The following ADGRL3 variants were observed in gnomAD, a reference collection of about 807,000 sequenced individuals.
ADGRL3 encodes the protein adhesion G protein-coupled receptor L3.
Under a neutral mutation model 153.5 loss-of-function variants are expected in ADGRL3, and 62 were observed. The observed-to-expected ratio is 0.40, with a 90% CI of 0.33 to 0.50. The LOEUF is 0.50. Ranked by LOEUF, ADGRL3 falls within the 20% of genes least tolerant of loss-of-function variation. ADGRL3 has a pLI of 0.47. For synonymous variants in ADGRL3, 710 were observed against 672.5 expected (o/e 1.06, Z -0.86); for missense variants, 1,641 against 1,859.4 (o/e 0.88, Z 2.16).
intron 9 of ADGRL3, among the ~76,000 whole-genome samples, chr4:61,876,040 G>GA (rs1398137083): frequency 6.6e-6 from 1 of 150,994 alleles, no homozygotes; most frequent in Non-Finnish European, 1.5e-5. Context: ...AAATAGAAAA[G>GA]AAAAAAAGAG....
At chr4:61,505,025 C>A (rs546093442) in intron 3 of ADGRL3, among the ~76,000 whole-genome samples, 4 of 152,004 alleles carry the variant, frequency 2.6e-5, no homozygotes, top group Non-Finnish European at 5.9e-5. Flanking sequence ...TTTTGAGGGA[C>A]CTTCATGCTG....
chr4:61,609,203 G>A (rs1199176018), intron 5 of ADGRL3, among the ~76,000 whole-genome samples: 1 of 152,012 alleles, frequency 6.6e-6, no homozygotes, highest in African/African-American at 2.4e-5. Flanking sequence ...AGATATCTGA[G>A]TTCCAAATTG....
At chr4:61,901,437 C>G (rs1050417724) in intron 11 of ADGRL3, among the ~76,000 whole-genome samples, 3 of 152,104 alleles carry the variant, frequency 2.0e-5, no homozygotes, top group Non-Finnish European at 4.4e-5. Context: ...TCTTAAATTC[C>G]CCATTTTATC....
chr4:62,027,988 G>A (rs958909311), intron 21 of ADGRL3, among the ~76,000 whole-genome samples: 2 of 151,718 alleles, frequency 1.3e-5, no homozygotes, highest in East Asian at 1.9e-4. Context: ...TTCATCAGTG[G>A]TTCTCTTTAT....
At chr4:61,307,913 ATGT>A (rs1262058149) in intron 1 of ADGRL3, among the ~76,000 whole-genome samples, 2 of 152,166 alleles carry the variant, frequency 1.3e-5, no homozygotes, top group Non-Finnish European at 2.9e-5. Flanking sequence ...AATTAAGATC[ATGT>A]TGTCATTTTT....
chr4:61,802,959 CTA>C (rs2097516583), intron 8 of ADGRL3, among the ~76,000 whole-genome samples: 1 of 152,012 alleles, frequency 6.6e-6, no homozygotes, highest in Non-Finnish European at 1.5e-5. Flanking sequence ...GCTAATATAT[CTA>C]TCAGATACTG....
intron 1 of ADGRL3, among the ~76,000 whole-genome samples, chr4:61,364,545 C>T (rs1457507118): frequency 6.6e-6 from 1 of 151,798 alleles, no homozygotes; most frequent in Non-Finnish European, 1.5e-5. Context: ...ATTTATACAA[C>T]TTTCTTCCAC....
At chr4:61,416,839 A>G (rs2097149575) in intron 2 of ADGRL3, among the ~76,000 whole-genome samples, 1 of 152,112 alleles carries the variant, frequency 6.6e-6, no homozygotes, top group Admixed American at 6.5e-5. Context: ...TATTTCTGTT[A>G]TTATTACATT....
intron 1 of ADGRL3, among the ~76,000 whole-genome samples, chr4:61,204,596 G>A (rs2148730703): frequency 1.3e-5 from 2 of 152,306 alleles, no homozygotes; most frequent in African/African-American, 4.8e-5. Flanking sequence ...GAAGGTGAAT[G>A]TGTCAGAGTA....
chr4:61,548,828 A>C (rs370047166), intron 4 of ADGRL3, among the ~76,000 whole-genome samples: 8 of 151,906 alleles, frequency 5.3e-5, no homozygotes, highest in South Asian at 4.2e-4. Flanking sequence ...TTCCATGTGA[A>C]TTTTCAGAAC....
chr4:61,691,569 G>C (rs2095540140), intron 6 of ADGRL3, among the ~76,000 whole-genome samples: 1 of 152,050 alleles, frequency 6.6e-6, no homozygotes, highest in Non-Finnish European at 1.5e-5. Flanking sequence ...TTGACTATTT[G>C]AATAAGTAAT....
chr4:61,910,355 A>G (rs2098716598), intron 12 of ADGRL3, among the ~76,000 whole-genome samples: 1 of 152,046 alleles, frequency 6.6e-6, no homozygotes, highest in East Asian at 1.9e-4. Flanking sequence ...ATATTCCAGC[A>G]AATTTGAATT....
At chr4:61,315,115 A>C (rs1174554098) in intron 1 of ADGRL3, among the ~76,000 whole-genome samples, 1 of 152,272 alleles carries the variant, frequency 6.6e-6, no homozygotes, top group South Asian at 2.1e-4. Context: ...GAGATAGTGA[A>C]ATTTGTAATC....
At chr4:61,788,923 C>T (rs1038228065) in intron 8 of ADGRL3, among the ~76,000 whole-genome samples, 1 of 151,850 alleles carries the variant, frequency 6.6e-6, no homozygotes, top group South Asian at 2.1e-4. Flanking sequence ...GTTTTAAAAC[C>T]AATTATGGAA....
At chr4:61,888,102 G>T (rs2098549757) in intron 9 of ADGRL3, among the ~76,000 whole-genome samples, 1 of 151,918 alleles carries the variant, frequency 6.6e-6, no homozygotes, top group African/African-American at 2.4e-5. Context: ...AGATTATGAG[G>T]GTAAAATGCT....
At chr4:61,573,365 C>T (rs2098846921) in intron 4 of ADGRL3, among the ~76,000 whole-genome samples, 2 of 151,856 alleles carry the variant, frequency 1.3e-5, no homozygotes, top group African/African-American at 4.8e-5. Context: ...TTAACCATGG[C>T]TCCCTATAAA....
At chr4:61,516,495 G>A (rs985232486) in intron 3 of ADGRL3, among the ~76,000 whole-genome samples, 1 of 151,550 alleles carries the variant, frequency 6.6e-6, no homozygotes, top group Non-Finnish European at 1.5e-5. Flanking sequence ...TGTATCTCAT[G>A]TATCAATTTA....
At chr4:61,280,128 G>A (rs939555904) in intron 1 of ADGRL3, among the ~76,000 whole-genome samples, 1 of 58,056 alleles carries the variant, frequency 1.7e-5, no homozygotes, top group Non-Finnish European at 3.1e-5. Flanking sequence ...TTTTTTTTTT[G>A]AGACCGAGTC....
chr4:61,709,526 G>C (rs539351458), intron 6 of ADGRL3, among the ~76,000 whole-genome samples: 1 of 152,120 alleles, frequency 6.6e-6, no homozygotes, highest in Non-Finnish European at 1.5e-5. Flanking sequence ...CAAGGAGGTA[G>C]AGATCTTTAT....
Sources: allele counts gnomAD v4.1 joint callset (sites outside exome capture counted in the v4.1 genomes callset), GRCh38; gene constraint gnomAD v4.1.1; transcripts MANE v1.5; gene names NCBI Gene and HGNC (gene_info 2026-07-23, HGNC 2026-07-21).